The following ASIC2 variants were observed in gnomAD, a reference collection of about 807,000 sequenced individuals.
The protein encoded by ASIC2 is acid sensing ion channel subunit 2.
A neutral mutation model predicts 57.3 loss-of-function variants in ASIC2; 25 were observed. The observed-to-expected ratio is 0.44, with a 90% CI of 0.32 to 0.61. ASIC2 has a LOEUF of 0.61. Ranked by LOEUF, ASIC2 falls within the 20% of genes least tolerant of loss-of-function variation. ASIC2 has a pLI of 0.06. For missense variants in ASIC2, 641 were observed against 738.1 expected (o/e 0.87, Z 1.52); for synonymous variants, 319 against 307.5 (o/e 1.04, Z -0.39).
intron 3 of ASIC2, among the ~76,000 whole-genome samples, chr17:33,058,213 C>A (rs1029777079): frequency 1.3e-5 from 2 of 152,000 alleles, no homozygotes; most frequent in African/African-American, 4.8e-5. Context: ...ATAATAACCC[C>A]TGGGAGGTAG....
intron 1 of ASIC2, among the ~76,000 whole-genome samples, chr17:33,422,977 C>T (rs1292151349): frequency 2.6e-5 from 4 of 152,118 alleles, no homozygotes; most frequent in Non-Finnish European, 5.9e-5. Context: ...CATTAGAGTG[C>T]CGCACAGCCC....
chr17:33,683,193 G>A (rs1432198277), intron 1 of ASIC2, among the ~76,000 whole-genome samples: 1 of 151,972 alleles, frequency 6.6e-6, no homozygotes, highest in Non-Finnish European at 1.5e-5. Context: ...TCAGCCTCCT[G>A]TGTAGCTGGG....
chr17:33,126,914 G>T (rs2092325518), intron 1 of ASIC2, among the ~76,000 whole-genome samples: 1 of 125,262 alleles, frequency 8.0e-6, no homozygotes, highest in Non-Finnish European at 1.6e-5. Flanking sequence ...AGGCGGGACT[G>T]CGGACTGCAG....
At chr17:33,189,958 G>C (rs1308702586) in intron 1 of ASIC2, among the ~76,000 whole-genome samples, 1 of 152,086 alleles carries the variant, frequency 6.6e-6, no homozygotes, top group Non-Finnish European at 1.5e-5. Flanking sequence ...CTTCCCCTAC[G>C]ATCAAGGCAA....
intron 1 of ASIC2, among the ~76,000 whole-genome samples, chr17:33,836,914 C>T (rs186051990): frequency 4.6e-5 from 7 of 152,242 alleles, no homozygotes; most frequent in Admixed American, 1.3e-4. Context: ...AAATTTGAAT[C>T]TGAATCTGTG....
chr17:33,021,166 TC>T, intron 7 of ASIC2, 52 bp downstream of exon 7: 1 of 489,924 alleles, frequency 2.0e-6, no homozygotes, highest in Non-Finnish European at 4.0e-6. Context: ...GCATCCTCCC[TC>T]CCTCCCACCC....
At chr17:34,099,107 AGAGAGAGAGAGAGAGAGAGAGAGAGAG>A (rs1910654778) in intron 1 of ASIC2, among the ~76,000 whole-genome samples, 8 of 22,774 alleles carry the variant, frequency 3.5e-4, no homozygotes, top group African/African-American at 9.8e-4. Context: ...GAGAAAAGAG[AGAGAGAGAGAGAGAGAGAGAGAGAGAG>A]AGAGAGAGAG....
intron 1 of ASIC2, among the ~76,000 whole-genome samples, chr17:33,719,206 C>T (rs766675732): frequency 6.6e-6 from 1 of 152,190 alleles, no homozygotes; most frequent in Non-Finnish European, 1.5e-5. Flanking sequence ...GGCCCTCATG[C>T]CTTCAGTTCG....
chr17:33,753,851 C>T (rs2142106805), intron 1 of ASIC2, among the ~76,000 whole-genome samples: 1 of 152,256 alleles, frequency 6.6e-6, no homozygotes, highest in South Asian at 2.1e-4. Context: ...GTACAGAGTC[C>T]TTCTCAGGCC....
chr17:33,258,024 T>G (rs946421551), intron 1 of ASIC2, among the ~76,000 whole-genome samples: 4 of 152,232 alleles, frequency 2.6e-5, no homozygotes, highest in African/African-American at 9.6e-5. Flanking sequence ...TGTAAGTGCT[T>G]GATAAACAAG....
intron 1 of ASIC2, among the ~76,000 whole-genome samples, chr17:33,630,357 T>C (rs1906124478): frequency 6.6e-6 from 1 of 152,174 alleles, no homozygotes. Flanking sequence ...CTCCTGTCTG[T>C]GCAGTGACCA....
intron 1 of ASIC2, among the ~76,000 whole-genome samples, chr17:33,851,570 T>C (rs222490): frequency 0.3 from 45,971 of 151,864 alleles, 7,219 homozygotes; most frequent in East Asian, 0.48. Context: ...TTCCGCTTAT[T>C]CTAGAAGATG....
chr17:34,067,480 G>A (rs1909214761), intron 1 of ASIC2, among the ~76,000 whole-genome samples: 1 of 152,168 alleles, frequency 6.6e-6, no homozygotes, highest in African/African-American at 2.4e-5. Context: ...GTGGAAAAGA[G>A]ACTGTTAGTG....
In ASIC2 at chr17:33,689,785, G is replaced by T. The variant is rs1908310307; in HGVS notation, c.555+466193C>A. On this transcript the variant is annotated intron_variant, in intron 1 of 9. Transcript: ENST00000359872. Reference sequence around the variant, plus strand: ...TCCAGTGACCAGTGTCCTCTTCAGTGCCAGAAGAGAAGACACAGACACACA... The same window carrying T: ...TCCAGTGACCAGTGTCCTCTTCAGTTCCAGAAGAGAAGACACAGACACACA... Among the ~76,000 whole-genome samples, 4 of 152,338 alleles carry T rather than the reference G, an allele frequency of 2.6e-5. No individual in the cohort carries two copies. In the South Asian group the frequency reaches 8.3e-4, roughly 32 times the overall value.
At chr17:33,114,517 T>C (rs1278046487) in intron 1 of ASIC2, among the ~76,000 whole-genome samples, 1 of 152,328 alleles carries the variant, frequency 6.6e-6, no homozygotes, top group East Asian at 1.9e-4. Flanking sequence ...CAAAAGTAAA[T>C]TTCAGCTTAG....
At position 33,682,724 on chromosome 17, in the gene ASIC2, T is replaced by TA. The variant is rs111456961; in HGVS notation, c.555+473253dup. Among the ~76,000 whole-genome samples the TA allele has an allele frequency of 3.5e-3, 527 of 149,570 alleles. 5 individuals carry two copies. Among genetic ancestry groups the TA allele is most frequent in the Non-Finnish European group, 3.5e-3 (235 of 67,188 alleles). ...GTTAAGTATGCCTTGCTTGGGATAT[T>TA]AAAAAAAAAATAAGAAATAGCCTTA... On this transcript the variant is annotated intron_variant, in intron 1 of 9. Transcript: ENST00000359872.
In ASIC2 at chr17:33,643,749, G is replaced by A. The variant is rs575877920; in HGVS notation, c.555+512229C>T. On this transcript the variant is annotated intron_variant, in intron 1 of 9. Coordinates refer to the ASIC2 transcript ENST00000359872. ...CTGTAAAACACTGAACAGAGCTCCT[G>A]TCATTCAGAGCTGTTGTCAACAAGA... Among the ~76,000 whole-genome samples, 4 of 152,270 alleles carry A rather than the reference G, an allele frequency of 2.6e-5. No individual in the cohort carries two copies. The East Asian group carries it at 5.8e-4, about 22-fold the overall frequency.
rs563260212 is a variant in ASIC2, at chr17:33,880,486, C to A, written c.555+275492G>T. 5.3e-5 allele frequency among the ~76,000 whole-genome samples: 8 copies of A among 152,258 alleles called. No homozygotes were observed. In the South Asian group the frequency reaches 1.7e-3, roughly 32 times the overall value. Reference sequence around the variant, plus strand: ...AGAGAATACTATAAACACCTCTATGCAAATAAACTAGAAAATCTAGAAGAA... The same window carrying A: ...AGAGAATACTATAAACACCTCTATGAAAATAAACTAGAAAATCTAGAAGAA... On this transcript the variant is annotated intron_variant, in intron 1 of 9. Coordinates refer to the ASIC2 transcript ENST00000359872.
rs79005197 is a variant in ASIC2 at position 33,673,304 on chromosome 17, A to G, written c.555+482674T>C. ...AGAGGAGGCAAGGGCTGCCTCCAAGAGAAGCCCAGGTGCCAGGGCAAAGGG... is the reference window on the plus strand; with the variant it reads ...AGAGGAGGCAAGGGCTGCCTCCAAGGGAAGCCCAGGTGCCAGGGCAAAGGG... On this transcript the variant is annotated intron_variant, in intron 1 of 9. Coordinates refer to the ASIC2 transcript ENST00000359872. 2.4e-3 allele frequency among the ~76,000 whole-genome samples: 370 copies of G among 152,316 alleles called. 1 individual carries two copies. The highest frequency in any genetic ancestry group is 8.6e-3 in the African/African-American group (357 of 41,586).
Sources: allele counts gnomAD v4.1 joint callset (sites outside exome capture counted in the v4.1 genomes callset), GRCh38; gene constraint gnomAD v4.1.1; transcripts MANE v1.5; gene names NCBI Gene and HGNC (gene_info 2026-07-23, HGNC 2026-07-21).